The following TTL variants were observed in gnomAD, a reference collection of about 807,000 sequenced individuals.
TTL encodes the protein tubulin--tyrosine ligase.
TTL carries 10 observed loss-of-function variants against 41.1 expected under a neutral mutation model. That is an observed-to-expected ratio of 0.24 (90% CI 0.15 to 0.41). The LOEUF (loss-of-function observed/expected upper bound fraction) is 0.41, where lower values mean the gene tolerates loss of function less well. Among genes scored for constraint, TTL ranks in the 10% least tolerant of loss-of-function variants. The pLI, the probability that TTL is intolerant of heterozygous loss-of-function variation, is 1.00. For missense variants in TTL, 367 were observed against 460.4 expected (o/e 0.80, Z 1.86); for synonymous variants, 175 against 175.5 (o/e 1.00, Z 0.02).
chr2:112,525,855 G>C (rs1275580301), intron 6 of TTL, among the ~76,000 whole-genome samples: 1 of 152,124 alleles, frequency 6.6e-6, no homozygotes, highest in African/African-American at 2.4e-5. Context: ...GGGCATCCCT[G>C]TCTTGTGCCA....
At chr2:112,488,539 C>G (rs1431611660) in intron 2 of TTL, among the ~76,000 whole-genome samples, 1 of 151,884 alleles carries the variant, frequency 6.6e-6, no homozygotes, top group Non-Finnish European at 1.5e-5. Context: ...GGACAGATCA[C>G]TTAGGGTCAG....
At chr2:112,491,458 T>A (rs1174214999) in intron 2 of TTL, among the ~76,000 whole-genome samples, 1 of 152,242 alleles carries the variant, frequency 6.6e-6, no homozygotes, top group Non-Finnish European at 1.5e-5. Flanking sequence ...AGTCAATCTT[T>A]GATATTGTTA....
intron 5 of TTL, among the ~76,000 whole-genome samples, chr2:112,512,331 C>T (rs571504699): frequency 7.6e-4 from 115 of 151,332 alleles, no homozygotes; most frequent in African/African-American, 2.5e-3. Flanking sequence ...GGCGTGATCT[C>T]GGCTCACTGC....
Position 112,537,814 on chromosome 2 carries a change from G to C in TTL, c.*9019G>C, listed in dbSNP as rs1377441483. 2.0e-5 allele frequency: 3 copies of C among 152,154 alleles called. No individual in the cohort carries two copies. The highest frequency in any genetic ancestry group is 4.4e-5 in the Non-Finnish European group (3 of 68,022). The allele number at this position is 152,154 out of a possible 1,614,324, so 9.4% of individuals were successfully genotyped here. ...CAAAACTCCATTTCAATAATAGCTAGAGCAACTAGGCAGAAGATCAACAAG... is the reference window on the plus strand; with the variant it reads ...CAAAACTCCATTTCAATAATAGCTACAGCAACTAGGCAGAAGATCAACAAG... On this transcript the variant is annotated 3_prime_UTR_variant, in exon 7 of 7. Transcript: ENST00000233336.
chr2:112,516,548 C>A (rs181497000), intron 5 of TTL, among the ~76,000 whole-genome samples: 19 of 152,310 alleles, frequency 1.2e-4, no homozygotes, highest in African/African-American at 3.8e-4. Context: ...GTGGCATATG[C>A]CTGTAATCCC....
At chr2:112,491,788 C>T (rs1480030193) in intron 2 of TTL, among the ~76,000 whole-genome samples, 6 of 152,058 alleles carry the variant, frequency 3.9e-5, no homozygotes, top group Non-Finnish European at 5.9e-5. Flanking sequence ...TTTACACAAC[C>T]GTTTTTTCAT....
rs1219781091 is a variant in TTL, at chr2:112,537,667, A to T, written c.*8872A>T. ...TTTATATTGATAAAAGGGTCAGTCC[A>T]TTAGGAAAATATGACAATTATAAAC... On this transcript the variant is annotated 3_prime_UTR_variant, in exon 7 of 7. Coordinates refer to ENST00000233336, the MANE Select transcript of TTL (RefSeq NM_153712.5). The T allele has an allele frequency of 6.6e-6, 1 of 152,240 alleles. No homozygotes were observed. The highest frequency in any genetic ancestry group is 1.5e-5 in the Non-Finnish European group (1 of 68,036). The allele number at this position is 152,240 out of a possible 1,614,324, so 9.4% of individuals were successfully genotyped here. A position where few individuals can be genotyped will look rare whatever the true frequency, so the allele number is the denominator to read the frequency against.
intron 2 of TTL, among the ~76,000 whole-genome samples, chr2:112,492,912 A>G (rs1312242051): frequency 6.6e-6 from 1 of 152,126 alleles, no homozygotes; most frequent in African/African-American, 2.4e-5. Flanking sequence ...ATAAAAATAA[A>G]ATAAAAAATT....
chr2:112,518,981 T>C (rs1682151471), intron 5 of TTL, among the ~76,000 whole-genome samples: 2 of 152,166 alleles, frequency 1.3e-5, no homozygotes, highest in Admixed American at 6.5e-5. Context: ...GGCTGGCCCC[T>C]GTATCTTTTT....
rs866292381 is a variant in TTL at position 112,497,821 on chromosome 2, A to G, written c.470-3385A>G. Among the ~76,000 whole-genome samples, 151 of 152,346 alleles carry G rather than the reference A, an allele frequency of 9.9e-4. 1 individual carries two copies. Among genetic ancestry groups the G allele is most frequent in the African/African-American group, 3.6e-3 (149 of 41,584 alleles). The stretch of plus-strand genomic sequence containing the variant: ...CATGAGATCCAGGTAGAAATCAGCT[A>G]TAAATCTAAAGCATAGATCAGAAGA... On this transcript the variant is annotated intron_variant, in intron 3 of 6. Coordinates refer to ENST00000233336, the MANE Select transcript of TTL (RefSeq NM_153712.5).
At chr2:112,503,663 T>A (rs1226539185) in intron 5 of TTL, among the ~76,000 whole-genome samples, 1 of 145,946 alleles carries the variant, frequency 6.9e-6, no homozygotes, top group Non-Finnish European at 1.5e-5. Flanking sequence ...GAACTCTTTT[T>A]TTTTTTTTTT....
intron 3 of TTL, among the ~76,000 whole-genome samples, chr2:112,500,502 C>T (rs763991580): frequency 2.6e-5 from 4 of 152,056 alleles, no homozygotes; most frequent in African/African-American, 4.8e-5. Context: ...ACCCAGGAGG[C>T]GAAGGTTACA....
chr2:112,526,410 C>G (rs1682373525), intron 6 of TTL, among the ~76,000 whole-genome samples: 1 of 152,198 alleles, frequency 6.6e-6, no homozygotes, highest in African/African-American at 2.4e-5. Flanking sequence ...GTGAATCCAT[C>G]TGGTCCTGGA....
At position 112,538,095 on chromosome 2, in the gene TTL, CAAGT is replaced by C. The variant is rs1393418989; in HGVS notation, c.*9303_*9306del. 6.6e-6 allele frequency: 1 copy of C among 152,116 alleles called. No homozygotes were observed. The highest frequency in any genetic ancestry group is 1.5e-5 in the Non-Finnish European group (1 of 68,026). 9.4% of individuals were successfully genotyped at this position (152,116 alleles called of 1,614,324 possible). ...ATTTCTGTATTAATGAAGAAATATA[CAAGT>C]AAAGAGGTTGGACTAATAATAATTC... On this transcript the variant is annotated 3_prime_UTR_variant, in exon 7 of 7. Coordinates refer to ENST00000233336, the MANE Select transcript of TTL (RefSeq NM_153712.5).
At chr2:112,521,313 C>T (rs566524031) in intron 6 of TTL, 554 of 985,280 alleles carry the variant, frequency 5.6e-4, no homozygotes, top group Non-Finnish European at 6.3e-4. Flanking sequence ...GTAGCATGAG[C>T]GTCATGGAGT....
In TTL at chr2:112,540,369, G is replaced by C. The variant is rs745514147; in HGVS notation, c.*11574G>C. 6.7e-6 allele frequency: 1 copy of C among 149,376 alleles called. No individual in the cohort carries two copies. The highest frequency in any genetic ancestry group is 1.5e-5 in the Non-Finnish European group (1 of 67,914). 9.3% of individuals were successfully genotyped at this position (149,376 alleles called of 1,614,324 possible). A position where few individuals can be genotyped will look rare whatever the true frequency, so the allele number is the denominator to read the frequency against. On this transcript the variant is annotated 3_prime_UTR_variant, in exon 7 of 7. Coordinates refer to ENST00000233336, the MANE Select transcript of TTL (RefSeq NM_153712.5). ...GGAGGTAGAGGTTGCAGTGAGCCAA[G>C]ATCATGCCACTGCACTCCATCCTCA...
intron 2 of TTL, among the ~76,000 whole-genome samples, chr2:112,491,219 C>T (rs1681377306): frequency 1.3e-5 from 2 of 152,018 alleles, no homozygotes; most frequent in South Asian, 4.2e-4. Context: ...TCTTGATCTA[C>T]TGACCTTGTG....
intron 5 of TTL, among the ~76,000 whole-genome samples, chr2:112,515,956 A>G (rs1305097122): frequency 3.5e-3 from 16 of 4,616 alleles, no homozygotes; most frequent in Non-Finnish European, 6.2e-3. Flanking sequence ...CAGAATAAAT[A>G]AATAAATAAA....
intron 4 of TTL, 107 bp from the exon 5 acceptor site, chr2:112,502,805 C>T: frequency 7.8e-7 from 1 of 1,281,446 alleles, no homozygotes; most frequent in South Asian, 1.8e-5. Flanking sequence ...AGTTGCCTCC[C>T]ACTCCTTACC....
Sources: allele counts gnomAD v4.1 joint callset (sites outside exome capture counted in the v4.1 genomes callset), GRCh38; gene constraint gnomAD v4.1.1; transcripts MANE v1.5; gene names NCBI Gene and HGNC (gene_info 2026-07-23, HGNC 2026-07-21).